Variants in CTNNA3 observed in about 807,000 individuals in gnomAD.
CTNNA3 encodes catenin alpha-3.
Under a neutral mutation model 95.7 loss-of-function variants are expected in CTNNA3, and 76 were observed. The observed-to-expected ratio is 0.79, with a 90% confidence interval of 0.66 to 0.96. The LOEUF (loss-of-function observed/expected upper bound fraction) is 0.96. Ranked by LOEUF, CTNNA3 falls within the 40% of genes least tolerant of loss-of-function variation. CTNNA3 has a pLI of 0.00. For synonymous variants in CTNNA3, 431 were observed against 374.4 expected, an observed-to-expected ratio of 1.15 and a Z score of -1.74; for missense variants, 1,191 against 1,089.8, an observed-to-expected ratio of 1.09 and a Z score of -1.31.
At chr10:66,245,198 A>C (rs1199422392) in intron 13 of CTNNA3, among the ~76,000 whole-genome samples, 3 of 152,210 alleles carry the variant, frequency 2.0e-5, no homozygotes, top group Non-Finnish European at 4.4e-5. Context: ...AGACAGCTAC[A>C]GGTGCTGGCT....
At chr10:67,626,827 C>CA (rs1247585738) in intron 2 of CTNNA3, among the ~76,000 whole-genome samples, 4 of 152,228 alleles carry the variant, frequency 2.6e-5, no homozygotes, top group South Asian at 2.1e-4. Flanking sequence ...TACATGATAT[C>CA]AAATTGACTT....
intron 15 of CTNNA3, among the ~76,000 whole-genome samples, chr10:66,033,135 C>CTTTTT (rs10665142): frequency 3.0e-5 from 4 of 131,894 alleles, no homozygotes; most frequent in Non-Finnish European, 6.2e-5. Flanking sequence ...TTCTTTTTTT[C>CTTTTT]TTTTTTTTTT....
chr10:67,019,059 T>C (rs1355057580), intron 7 of CTNNA3, among the ~76,000 whole-genome samples: 3 of 152,200 alleles, frequency 2.0e-5, no homozygotes, highest in Non-Finnish European at 2.9e-5. Flanking sequence ...ATGAATACAG[T>C]GCCTGCACTT....
rs542177877 is a variant in CTNNA3 at position 66,307,712 on chromosome 10, C to T, written c.1733-27091G>A. Among the ~76,000 whole-genome samples, 7 of 152,304 alleles carry T rather than the reference C, an allele frequency of 4.6e-5. No homozygotes were observed. In the South Asian group the frequency reaches 1.0e-3, roughly 23 times the overall value. On this transcript the variant is annotated intron_variant, in intron 12 of 17. Coordinates refer to ENST00000433211, the MANE Select transcript of CTNNA3 (RefSeq NM_013266.4). Reference sequence around the variant, plus strand: ...AATTTCATAAAAATCAAAAGTATTGCATTTTATTGATCTAAAGACTTAAGT... The same window carrying T: ...AATTTCATAAAAATCAAAAGTATTGTATTTTATTGATCTAAAGACTTAAGT...
At chr10:67,391,801 G>C (rs1012481834) in intron 5 of CTNNA3, among the ~76,000 whole-genome samples, 3 of 151,086 alleles carry the variant, frequency 2.0e-5, no homozygotes, top group Non-Finnish European at 2.9e-5. Flanking sequence ...ACAAGCAATG[G>C]GGAAAGGATT....
chr10:66,943,894 C>T (rs1212413360), intron 7 of CTNNA3, among the ~76,000 whole-genome samples: 1 of 152,156 alleles, frequency 6.6e-6, no homozygotes, highest in African/African-American at 2.4e-5. Context: ...TTTAAAAATA[C>T]TTTATTGCTA....
chr10:66,947,824 G>C (rs777735439), intron 7 of CTNNA3, among the ~76,000 whole-genome samples: 7 of 152,152 alleles, frequency 4.6e-5, no homozygotes, highest in Non-Finnish European at 1.0e-4. Flanking sequence ...GGAAAATGCA[G>C]TCATGTGGCG....
intron 13 of CTNNA3, among the ~76,000 whole-genome samples, chr10:66,262,638 A>C (rs1222184939): frequency 1.3e-5 from 2 of 152,006 alleles, no homozygotes; most frequent in Non-Finnish European, 2.9e-5. Flanking sequence ...ATTTATGTAG[A>C]AAATGATATT....
intron 7 of CTNNA3, among the ~76,000 whole-genome samples, chr10:66,867,938 C>T (rs1263216151): frequency 6.8e-6 from 1 of 148,094 alleles, no homozygotes; most frequent in Non-Finnish European, 1.5e-5. Flanking sequence ...TTGCAAAATG[C>T]CAAATATTTT....
intron 2 of CTNNA3, among the ~76,000 whole-genome samples, chr10:67,626,519 C>T (rs1838962234): frequency 6.6e-6 from 1 of 152,088 alleles, no homozygotes; most frequent in Admixed American, 6.5e-5. Flanking sequence ...ATAAAGTTTA[C>T]TTCTCCTTCC....
intron 10 of CTNNA3, among the ~76,000 whole-genome samples, chr10:66,597,552 A>ATATATATATATATATT (rs1246174021): frequency 7.7e-6 from 1 of 130,550 alleles, no homozygotes; most frequent in African/African-American, 2.9e-5. Flanking sequence ...ATATATATAT[A>ATATATATATATATATT]TATTTATTAA....
intron 5 of CTNNA3, chr10:67,334,186 C>A: frequency 6.4e-6 from 1 of 156,006 alleles, no homozygotes; most frequent in South Asian, 1.8e-4. Flanking sequence ...AGCAGAAGGC[C>A]AACAAGGTGG....
chr10:67,148,194 A>G (rs1310792773), intron 7 of CTNNA3, among the ~76,000 whole-genome samples: 1 of 152,124 alleles, frequency 6.6e-6, no homozygotes, highest in African/African-American at 2.4e-5. Flanking sequence ...ACACACAAAA[A>G]CCCAAAAATA....
intron 10 of CTNNA3, among the ~76,000 whole-genome samples, chr10:66,619,662 T>C (rs1446852846): frequency 1.3e-5 from 2 of 149,632 alleles, no homozygotes; most frequent in Non-Finnish European, 3.0e-5. Context: ...TTTATACATA[T>C]GTAACTAACC....
rs555044770 is a variant in CTNNA3, at chr10:66,176,929, T to C, written c.1885-73680A>G. 9.1e-4 allele frequency among the ~76,000 whole-genome samples: 139 copies of C among 152,134 alleles called. No individual in the cohort carries two copies. The South Asian group carries it at 0.029, about 31-fold the overall frequency. On this transcript the variant is annotated intron_variant, in intron 13 of 17. Transcript: ENST00000433211. ...GTGAAATATTTTTAAATCACTGAAG[T>C]CTTAGGAAACTGCAAATAGTTTCTT...
At chr10:66,134,438 C>T (rs1050341862) in intron 13 of CTNNA3, among the ~76,000 whole-genome samples, 4 of 151,952 alleles carry the variant, frequency 2.6e-5, no homozygotes, top group African/African-American at 4.8e-5. Context: ...ATATTAAAAA[C>T]AAATTACATG....
At chr10:66,771,243 T>C (rs1375670612) in intron 8 of CTNNA3, among the ~76,000 whole-genome samples, 1 of 152,194 alleles carries the variant, frequency 6.6e-6, no homozygotes, top group Non-Finnish European at 1.5e-5. Context: ...ACATTTTTCT[T>C]AATATACACA....
chr10:66,373,523 A>G (rs1423929155), intron 12 of CTNNA3, among the ~76,000 whole-genome samples: 1 of 152,114 alleles, frequency 6.6e-6, no homozygotes, highest in Non-Finnish European at 1.5e-5. Context: ...AGAATTATCA[A>G]CACGAAGACA....
chr10:67,603,014 C>G (rs982116114), intron 3 of CTNNA3, among the ~76,000 whole-genome samples: 3 of 152,144 alleles, frequency 2.0e-5, no homozygotes, highest in Non-Finnish European at 2.9e-5. Context: ...TCAAATAACA[C>G]TTGGTACCTG....
Sources: allele counts gnomAD v4.1 joint callset (sites outside exome capture counted in the v4.1 genomes callset), GRCh38; gene constraint gnomAD v4.1.1; transcripts MANE v1.5; gene names NCBI Gene and HGNC (gene_info 2026-07-23, HGNC 2026-07-21).